The following LIMCH1 variants were observed in gnomAD, a reference collection of about 807,000 sequenced individuals.
LIMCH1 encodes the protein LIM and calponin homology domains-containing protein 1.
In LIMCH1, 113 loss-of-function variants were observed where a neutral mutation model predicts 176.5. The ratio of observed to expected loss-of-function variants is 0.64; its 90% CI spans 0.55 to 0.75. The LOEUF (loss-of-function observed/expected upper bound fraction) is 0.75. Among genes scored for constraint, LIMCH1 ranks in the 30% least tolerant of loss-of-function variants. The probability of loss-of-function intolerance (pLI) is 0.00; values close to 1 mark genes in which losing one functional copy is unlikely to be tolerated. For missense variants in LIMCH1, 1,674 were observed against 1,814.9 expected (o/e 0.92, Z 1.41); for synonymous variants, 619 against 645.9 (o/e 0.96, Z 0.63).
In LIMCH1 at chr4:41,480,539, G is replaced by A. The variant is rs142094760; in HGVS notation, c.97-13997G>A. ...GGAGAATCTCTTGAACCTGGGAGGC[G>A]GAGGTTGCAGTGAGCTGAGATTGCG... On this transcript the variant is annotated intron_variant, in intron 1 of 26. Transcript: ENST00000313860. 3.8e-3 allele frequency among the ~76,000 whole-genome samples: 577 copies of A among 152,246 alleles called. 2 individuals are homozygous for A. The highest frequency in any genetic ancestry group is 0.013 in the African/African-American group (538 of 41,542).
At chr4:41,471,001 A>C (rs1173075221) in intron 1 of LIMCH1, among the ~76,000 whole-genome samples, 2 of 149,998 alleles carry the variant, frequency 1.3e-5, no homozygotes, top group African/African-American at 4.9e-5. Context: ...TTTGTGTCTG[A>C]GGATGCCAGT....
At chr4:41,412,520 T>C (rs954437409) in intron 1 of LIMCH1, among the ~76,000 whole-genome samples, 1 of 152,156 alleles carries the variant, frequency 6.6e-6, no homozygotes, top group Non-Finnish European at 1.5e-5. Flanking sequence ...AAAACGTTAA[T>C]ATTTAGGGCA....
intron 1 of LIMCH1, among the ~76,000 whole-genome samples, chr4:41,432,233 GATTA>G (rs1424384701): frequency 6.6e-6 from 1 of 152,222 alleles, no homozygotes; most frequent in African/African-American, 2.4e-5. Context: ...TGTCTGAGTG[GATTA>G]ATTGTGGCAG....
chr4:41,587,608 C>T (rs2086708857), intron 1 of LIMCH1, among the ~76,000 whole-genome samples: 1 of 152,158 alleles, frequency 6.6e-6, no homozygotes, highest in African/African-American at 2.4e-5. Flanking sequence ...TTCAGTGGGT[C>T]AGCTGCATCC....
At chr4:41,650,085 T>C (rs1238264133) in intron 17 of LIMCH1, among the ~76,000 whole-genome samples, 2 of 152,202 alleles carry the variant, frequency 1.3e-5, no homozygotes, top group East Asian at 3.9e-4. Context: ...TGGCATGTAT[T>C]TGTACTTAAG....
At chr4:41,378,843 A>G (rs934438709) in intron 1 of LIMCH1, among the ~76,000 whole-genome samples, 1 of 152,160 alleles carries the variant, frequency 6.6e-6, no homozygotes, top group Non-Finnish European at 1.5e-5. Context: ...AGGATGGGAG[A>G]GACTTGGACA....
At chr4:41,535,175 A>G (rs2077755740), upstream of LIMCH1, among the ~76,000 whole-genome samples, 1 of 151,078 alleles carries the variant, frequency 6.6e-6, no homozygotes, top group African/African-American at 2.4e-5. Flanking sequence ...AAAAAAAAAA[A>G]AAAAAAAAAG....
chr4:41,656,274 C>T (rs1417191354), intron 18 of LIMCH1, among the ~76,000 whole-genome samples: 1 of 152,054 alleles, frequency 6.6e-6, no homozygotes, highest in African/African-American at 2.4e-5. Flanking sequence ...GAGTAGGTGC[C>T]GTTTTTCTTA....
chr4:41,592,270 A>G (rs28693842), intron 1 of LIMCH1, among the ~76,000 whole-genome samples: 13,165 of 152,240 alleles, frequency 0.086, 1,861 homozygotes, highest in African/African-American at 0.3. Context: ...GGATGAAATA[A>G]GCTTTTCTGG....
Position 41,595,637 on chromosome 4 carries a change from T to C in LIMCH1, c.-240-3283T>C, listed in dbSNP as rs1032550569. ...GCAAATGCTTGAAGAGTGTAAGGTA[T>C]AAATGTTTAGTTCATATTATTAAGT... On this transcript the variant is annotated intron_variant, in intron 1 of 31. Transcript: ENST00000503057. 2.6e-5 allele frequency among the ~76,000 whole-genome samples: 4 copies of C among 152,322 alleles called. No homozygotes were observed. The East Asian group carries it at 7.7e-4, about 29-fold the overall frequency.
rs191188955 is a variant in LIMCH1, at chr4:41,404,815, A to G, written c.96+43879A>G. 1.1e-3 allele frequency among the ~76,000 whole-genome samples: 165 copies of G among 152,238 alleles called. 3 individuals carry two copies. Among genetic ancestry groups the G allele is most frequent in the Admixed American group, 7.2e-4 (11 of 15,290 alleles). ...AATAATAATTGATTAACAATATTGC[A>G]TATGGAGGCAAGGACCCAATATGTG... On this transcript the variant is annotated intron_variant, in intron 1 of 26. Transcript: ENST00000313860.
At chr4:41,656,843 C>T (rs2094477360) in intron 18 of LIMCH1, among the ~76,000 whole-genome samples, 1 of 152,152 alleles carries the variant, frequency 6.6e-6, no homozygotes, top group Non-Finnish European at 1.5e-5. Context: ...ATGATCAGTC[C>T]GAGCTCACCA....
chr4:41,405,126 C>G (rs905036785), intron 1 of LIMCH1, among the ~76,000 whole-genome samples: 7 of 151,962 alleles, frequency 4.6e-5, no homozygotes, highest in African/African-American at 7.3e-5. Flanking sequence ...TTTTCTTTAC[C>G]GTACTATCCA....
intron 1 of LIMCH1, among the ~76,000 whole-genome samples, chr4:41,541,540 C>T (rs901593771): frequency 7.2e-5 from 11 of 152,260 alleles, no homozygotes; most frequent in Non-Finnish European, 1.2e-4. Context: ...CACACCGTTT[C>T]CTCACCTTTG....
At chr4:41,488,463 CTTTTTAAAATTCATT>C (rs2070127688) in intron 1 of LIMCH1, among the ~76,000 whole-genome samples, 1 of 152,134 alleles carries the variant, frequency 6.6e-6, no homozygotes, top group African/African-American at 2.4e-5. Context: ...TTAAGAATGA[CTTTTTAAAATTCATT>C]TTCTTACCCT....
intron 29 of LIMCH1, chr4:41,688,864 G>A (rs1723027364): frequency 6.6e-6 from 1 of 152,492 alleles, no homozygotes; most frequent in African/African-American, 2.4e-5. Flanking sequence ...TAGAGAGAAG[G>A]CAAGTGCCTT....
intron 1 of LIMCH1, among the ~76,000 whole-genome samples, chr4:41,469,494 C>T (rs2066628049): frequency 6.6e-6 from 1 of 152,174 alleles, no homozygotes; most frequent in Non-Finnish European, 1.5e-5. Context: ...GCCATGCTTG[C>T]AGCCATAGGC....
chr4:41,637,550 A>G (rs2093644328), intron 13 of LIMCH1, among the ~76,000 whole-genome samples: 1 of 152,198 alleles, frequency 6.6e-6, no homozygotes, highest in Non-Finnish European at 1.5e-5. Flanking sequence ...TGTTTTTGAA[A>G]ATTGAGAATA....
At chr4:41,632,016 G>A (rs2093352839) in intron 10 of LIMCH1, among the ~76,000 whole-genome samples, 2 of 152,172 alleles carry the variant, frequency 1.3e-5, no homozygotes, top group African/African-American at 4.8e-5. Context: ...GTTTCTGTAA[G>A]TCGAGAGTTT....
Sources: gnomAD v4.1 joint callset for allele counts (sites outside exome capture counted in the v4.1 genomes callset) on GRCh38, gnomAD v4.1.1 for gene constraint, MANE v1.5 for transcripts, NCBI Gene and HGNC (gene_info 2026-07-23, HGNC 2026-07-21) for gene names.